ZZZ3: variants seen among roughly 807,000 people sequenced by gnomAD.
ZZZ3 encodes ZZ-type zinc finger-containing protein 3.
Under a neutral mutation model 95.2 loss-of-function variants are expected in ZZZ3, and 22 were observed. That is an observed-to-expected ratio of 0.23 (90% confidence interval 0.17 to 0.33). The LOEUF (loss-of-function observed/expected upper bound fraction) is 0.33. Among genes scored for constraint, ZZZ3 ranks in the 10% least tolerant of loss-of-function variants. The pLI is 1.00. For synonymous variants in ZZZ3, 335 were observed against 358.9 expected, an observed-to-expected ratio of 0.93 and a Z score of 0.75; for missense variants, 885 against 1,066.5, an observed-to-expected ratio of 0.83 and a Z score of 2.37.
At chr1:77,617,447 T>C (rs1257765919) in intron 5 of ZZZ3, among the ~76,000 whole-genome samples, 2 of 152,206 alleles carry the variant, frequency 1.3e-5, no homozygotes, top group African/African-American at 4.8e-5. Flanking sequence ...TTCATTCATA[T>C]TGCAGCTTCA....
rs1262647788 is a variant in ZZZ3, at chr1:77,576,193, G to A, written c.2206C>T (p.Leu736Phe). The A allele has an allele frequency of 6.2e-7, 1 of 1,610,640 alleles. No individual in the cohort carries two copies. The highest frequency in any genetic ancestry group is 8.5e-7 in the Non-Finnish European group (1 of 1,179,062). Reference protein sequence around the residue: ...KSSTSRRQHPLNKHLFKPSTF... With the variant: ...KSSTSRRQHPFNKHLFKPSTF... The stretch of plus-strand genomic sequence containing the variant: ...GAAGGCTTAAAGAGATGCTTATTAA[G>A]AGGGTGCTGTCGTCTGCTTGTTGAA... Residue 736 changes from leucine to phenylalanine, a missense_variant, in exon 12 of 15, where the codon CTT becomes TTT. By Grantham distance (22) the Leu-to-Phe change is conservative. Around this residue, in one of 5 missense-constraint regions of ZZZ3, gnomAD observed 221 missense variants for 247.8 expected, o/e 0.89. Coordinates refer to ENST00000370801, the MANE Select transcript of ZZZ3 (RefSeq NM_015534.6).
chr1:77,607,667 T>C (rs766908298), intron 5 of ZZZ3, among the ~76,000 whole-genome samples: 8 of 152,264 alleles, frequency 5.3e-5, no homozygotes, highest in Non-Finnish European at 1.0e-4. Flanking sequence ...GGCTCACCTG[T>C]AATCCCAGCA....
chr1:77,606,676 A>G (rs555190834), intron 5 of ZZZ3, among the ~76,000 whole-genome samples: 1 of 152,368 alleles, frequency 6.6e-6, no homozygotes, highest in East Asian at 1.9e-4. Flanking sequence ...AGGGAAGAGA[A>G]AAAGAATCTT....
chr1:77,647,797 A>C (rs1669428916), intron 1 of ZZZ3, among the ~76,000 whole-genome samples: 1 of 152,176 alleles, frequency 6.6e-6, no homozygotes, highest in Admixed American at 6.5e-5. Flanking sequence ...TGGTTAACCT[A>C]CTAGCCACAG....
At chr1:77,636,197 G>T (rs966692329) in intron 4 of ZZZ3, among the ~76,000 whole-genome samples, 4 of 152,036 alleles carry the variant, frequency 2.6e-5, no homozygotes, top group Non-Finnish European at 5.9e-5. Flanking sequence ...GAATCTGTTA[G>T]TCTTTACTTT....
chr1:77,648,740 G>C (rs142916722), intron 1 of ZZZ3, among the ~76,000 whole-genome samples: 2 of 152,256 alleles, frequency 1.3e-5, no homozygotes, highest in African/African-American at 4.8e-5. Flanking sequence ...ATGGGTAACT[G>C]AAGTCCCCAA....
intron 14 of ZZZ3, 113 bp from the exon 15 acceptor site, chr1:77,565,897 C>A (rs1005088203): frequency 4.8e-6 from 6 of 1,260,476 alleles, no homozygotes; most frequent in Non-Finnish European, 6.5e-6. Context: ...CTATCAAAAT[C>A]TCCAACGGAA....
intron 5 of ZZZ3, among the ~76,000 whole-genome samples, chr1:77,613,461 TA>T (rs200156851): frequency 0.075 from 10,564 of 141,370 alleles, 482 homozygotes; most frequent in South Asian, 0.14. Context: ...TCCACGCCTT[TA>T]AAAAAAAAAA....
At chr1:77,638,711 G>T (rs1450986564) in intron 4 of ZZZ3, among the ~76,000 whole-genome samples, 1 of 152,118 alleles carries the variant, frequency 6.6e-6, no homozygotes, top group Non-Finnish European at 1.5e-5. Flanking sequence ...CATGATACCA[G>T]AATATATTCA....
At chr1:77,660,778 C>CA (rs1369055052) in intron 1 of ZZZ3, among the ~76,000 whole-genome samples, 1 of 152,142 alleles carries the variant, frequency 6.6e-6, no homozygotes, top group Non-Finnish European at 1.5e-5. Context: ...TTTTAGGCCC[C>CA]AACTCTCAGA....
chr1:77,678,822 A>AT (rs1409121584), intron 1 of ZZZ3, among the ~76,000 whole-genome samples: 1 of 152,122 alleles, frequency 6.6e-6, no homozygotes, highest in Admixed American at 6.6e-5. Context: ...AGGCTTAGAG[A>AT]TTTTTTTATG....
intron 5 of ZZZ3, among the ~76,000 whole-genome samples, chr1:77,616,153 G>A (rs148775280): frequency 4.6e-5 from 7 of 152,008 alleles, no homozygotes; most frequent in East Asian, 3.9e-4. Context: ...CCCCTCAATC[G>A]TTGATTTTTC....
chr1:77,676,714 C>T (rs1031229597), intron 1 of ZZZ3, among the ~76,000 whole-genome samples: 12 of 151,880 alleles, frequency 7.9e-5, no homozygotes, highest in African/African-American at 2.7e-4. Context: ...AAACATATCA[C>T]AGAATCATCT....
intron 1 of ZZZ3, chr1:77,677,011 G>C (rs942763986): frequency 6.6e-6 from 1 of 152,094 alleles, no homozygotes; most frequent in Non-Finnish European, 1.5e-5. Context: ...TCTGAAAAGG[G>C]AGGAATTTCA....
chr1:77,636,428 A>G (rs1299294513), intron 4 of ZZZ3, among the ~76,000 whole-genome samples: 2 of 152,158 alleles, frequency 1.3e-5, no homozygotes, highest in East Asian at 3.9e-4. Flanking sequence ...AATATCACCT[A>G]TAAGCTGGTC....
chr1:77,664,604 C>T (rs1671100247), intron 1 of ZZZ3, among the ~76,000 whole-genome samples: 1 of 152,132 alleles, frequency 6.6e-6, no homozygotes, highest in Non-Finnish European at 1.5e-5. Context: ...CACTTTTAAG[C>T]AGCTCACACT....
At chr1:77,636,789 ACT>A (rs1170284317) in intron 4 of ZZZ3, among the ~76,000 whole-genome samples, 1 of 151,926 alleles carries the variant, frequency 6.6e-6, no homozygotes, top group African/African-American at 2.4e-5. Flanking sequence ...ATATGAAAAC[ACT>A]GATTAATACA....
intron 5 of ZZZ3, among the ~76,000 whole-genome samples, chr1:77,630,354 T>A (rs372577546): frequency 2.0e-5 from 3 of 152,118 alleles, no homozygotes; most frequent in Non-Finnish European, 4.4e-5. Context: ...CATGTGCCTG[T>A]AGTCCCAGCT....
At chr1:77,610,136 T>TA (rs34927182) in intron 5 of ZZZ3, among the ~76,000 whole-genome samples, 82,091 of 140,038 alleles carry the variant, frequency 0.59, 25,446 homozygotes, top group Non-Finnish European at 0.71. Flanking sequence ...AAATCAGAGA[T>TA]AAAAAAAAAA....
Sources: gnomAD v4.1 joint callset for allele counts (sites outside exome capture counted in the v4.1 genomes callset) on GRCh38, gnomAD v4.1.1 for gene constraint, gnomAD v4.1.1 regional missense constraint, MANE v1.5 for transcripts, NCBI Gene and HGNC (gene_info 2026-07-23, HGNC 2026-07-21) for gene names.